The following KRT19 variants were observed in gnomAD, a reference collection of about 807,000 sequenced individuals.
The protein encoded by KRT19 is keratin, type I cytoskeletal 19.
A neutral mutation model predicts 34.6 loss-of-function variants in KRT19; 21 were observed. That is an observed-to-expected ratio of 0.61 (90% CI 0.43 to 0.87). The LOEUF (loss-of-function observed/expected upper bound fraction) is 0.87, where lower values mean the gene tolerates loss of function less well. Ranked by LOEUF, KRT19 falls within the 40% of genes least tolerant of loss-of-function variation. The probability of loss-of-function intolerance (pLI) is 0.00; values close to 1 mark genes in which losing one functional copy is unlikely to be tolerated. For missense variants in KRT19, 514 were observed against 545.7 expected, an observed-to-expected ratio of 0.94 and a Z score of 0.58; for synonymous variants, 240 against 245.8, an observed-to-expected ratio of 0.98 and a Z score of 0.22.
rs769688755 is a variant in KRT19 at position 41,524,890 on chromosome 17, C to G, written c.613G>C (p.Glu205Gln). 5 of 1,614,118 alleles carry G rather than the reference C, an allele frequency of 3.1e-6. No individual in the cohort carries two copies. The Admixed American group carries it at 6.7e-5, about 22-fold the overall frequency. ...LARTDLEMQI[E>Q]GLKEELAYLK... ...TAGGCCAGCTCTTCCTTCAGGCCTT[C>G]GATCTGCATCTCCAGGTCGGTCCTG... The change falls in exon 3 of 6, where the codon GAA (glutamate) becomes CAA (glutamine). Residue 205 changes from glutamate to glutamine, a missense_variant. By Grantham distance (29) the Glu-to-Gln change is conservative. Transcript: ENST00000361566.
At position 41,528,136 on chromosome 17, in the gene KRT19, C is replaced by A. The variant is rs370965852; in HGVS notation, c.112G>T (p.Gly38Trp). The change falls in exon 1 of 6, where the codon GGG becomes TGG. Residue 38 changes from glycine to tryptophan, a missense_variant. Gly to Trp is a radical substitution (Grantham distance 184). Transcript: ENST00000361566. Reference protein sequence around the residue: ...GVAFRAPSIHGGSGGRGVSVS... With the variant: ...GVAFRAPSIHWGSGGRGVSVS... Reference sequence around the variant, plus strand: ...GATACGCCGCGGCCGCCGGAGCCCCCGTGAATGCTGGGCGCGCGAAAGGCG... The same window carrying A: ...GATACGCCGCGGCCGCCGGAGCCCCAGTGAATGCTGGGCGCGCGAAAGGCG... The A allele has an allele frequency of 1.2e-5, 20 of 1,603,850 alleles. No homozygotes were observed. Among genetic ancestry groups the A allele is most frequent in the South Asian group, 8.8e-5 (8 of 90,748 alleles).
rs527654742 is a variant in KRT19 at position 41,527,532 on chromosome 17, A to G, written c.420+296T>C. 2.0e-5 allele frequency among the ~76,000 whole-genome samples: 3 copies of G among 152,222 alleles called. No individual in the cohort carries two copies. In the South Asian group the frequency reaches 6.2e-4, roughly 32 times the overall value. ...TCCTCCCACTCTTCAGGCCTCGCTG[A>G]CCCGCGTCCCTTCTTCGTCCCGGGG... On this transcript the variant is annotated intron_variant, in intron 1 of 5. Coordinates refer to ENST00000361566, the MANE Select transcript of KRT19 (RefSeq NM_002276.5).
At chr17:41,527,410 C>T (rs1304830957) in intron 1 of KRT19, among the ~76,000 whole-genome samples, 1 of 152,206 alleles carries the variant, frequency 6.6e-6, no homozygotes, top group Non-Finnish European at 1.5e-5. Flanking sequence ...AGACTGGCCC[C>T]GGGTGGACCA....
chr17:41,524,114 G>A (rs1454318578), intron 5 of KRT19, 29 bp downstream of exon 5: 1 of 1,607,824 alleles, frequency 6.2e-7, no homozygotes, highest in Admixed American at 1.7e-5. Context: ...AATTGCACAG[G>A]GAAGCGGCGG....
intron 1 of KRT19, among the ~76,000 whole-genome samples, chr17:41,527,232 C>T (rs1283845257): frequency 6.6e-6 from 1 of 152,220 alleles, no homozygotes; most frequent in Non-Finnish European, 1.5e-5. Context: ...AGCCTCCCTC[C>T]TTTACCCCGC....
Position 41,527,825 on chromosome 17 carries a change from C to T in KRT19, c.420+3G>A. ...CACTTCCCGCGGCCGGGCCTCCGCCCACCTTGTCCCGCAGGTCCTGGATGG... is the reference window on the plus strand; with the variant it reads ...CACTTCCCGCGGCCGGGCCTCCGCCTACCTTGTCCCGCAGGTCCTGGATGG... On this transcript the variant is annotated splice_donor_region_variant and intron_variant, in intron 1 of 5. Coordinates refer to ENST00000361566, the MANE Select transcript of KRT19 (RefSeq NM_002276.5). 1 of 1,570,168 alleles carries T rather than the reference C, an allele frequency of 6.4e-7. No homozygotes were observed. Among genetic ancestry groups the T allele is most frequent in the Non-Finnish European group, 8.7e-7 (1 of 1,155,614 alleles).
Position 41,527,812 on chromosome 17 carries a change from C to A in KRT19, c.420+16G>T. ...GGCAGGTGCACTGCACTTCCCGCGG[C>A]CGGGCCTCCGCCCACCTTGTCCCGC... On this transcript the variant is annotated intron_variant, in intron 1 of 5. Transcript: ENST00000361566. The A allele has an allele frequency of 6.4e-7, 1 of 1,556,302 alleles. No homozygotes were observed. The highest frequency in any genetic ancestry group is 8.7e-7 in the Non-Finnish European group (1 of 1,150,112).
In KRT19 at chr17:41,527,836, G is replaced by A. The variant is rs931794128; in HGVS notation, c.412C>T (p.Arg138Trp). The change falls in exon 1 of 6, where the codon CGG becomes TGG. Residue 138 changes from arginine (R) to tryptophan (W), a missense_variant. By Grantham distance (101) the Arg-to-Trp change is moderately radical (BLOSUM62 -3). Coordinates refer to ENST00000361566, the MANE Select transcript of KRT19 (RefSeq NM_002276.5). ...SHYYTTIQDL[R>W]DKILGATIEN... ...GCCGGGCCTCCGCCCACCTTGTCCCGCAGGTCCTGGATGGTCGTGTAGTAG... is the reference window on the plus strand; with the variant it reads ...GCCGGGCCTCCGCCCACCTTGTCCCACAGGTCCTGGATGGTCGTGTAGTAG... The A allele has an allele frequency of 1.3e-6, 2 of 1,584,468 alleles. No homozygotes were observed. The highest frequency in any genetic ancestry group is 1.4e-5 in the African/African-American group (1 of 73,642).
chr17:41,526,562 CTTTTTTTTTTTTT>C (rs60030898), intron 1 of KRT19, among the ~76,000 whole-genome samples: 1 of 72,190 alleles, frequency 1.4e-5, no homozygotes, highest in African/African-American at 5.9e-5. Flanking sequence ...AAGCTAATTC[CTTTTTTTTTTTTT>C]TTTTTTTTTT....
chr17:41,525,592 TG>T (rs780893273), intron 1 of KRT19: 38 of 304,692 alleles, frequency 1.2e-4, no homozygotes, highest in East Asian at 6.6e-4. Context: ...ATAAACCAGA[TG>T]GGGGGTAGAT....
chr17:41,524,072 A>G (rs984349815), intron 5 of KRT19, 71 bp downstream of exon 5: 13 of 1,597,352 alleles, frequency 8.1e-6, no homozygotes, highest in Non-Finnish European at 1.0e-5. Context: ...GCCACCGGCC[A>G]GGCTGCCCTA....
chr17:41,527,892 T>A lies in KRT19; in HGVS notation c.356A>T (p.Gln119Leu), dbSNP rs771587763. Reference protein sequence around the residue: ...EVKIRDWYQKQGPGPSRDYSH... With the variant: ...EVKIRDWYQKLGPGPSRDYSH... ...GTAGTCGCGGGAGGGCCCAGGCCCC[T>A]GCTTCTGGTACCAGTCGCGGATCTT... The change falls in exon 1 of 6, where the codon CAG (glutamine) becomes CTG (leucine). Residue 119 changes from glutamine (Q) to leucine (L), a missense_variant. Coordinates refer to ENST00000361566, the MANE Select transcript of KRT19 (RefSeq NM_002276.5). The A allele has an allele frequency of 1.2e-6, 2 of 1,613,570 alleles. No homozygotes were observed. The highest frequency in any genetic ancestry group is 1.1e-5 in the South Asian group (1 of 91,068).
At chr17:41,525,136 C>T (rs1905815764) in intron 2 of KRT19, 55 bp downstream of exon 2, 3 of 1,569,158 alleles carry the variant, frequency 1.9e-6, no homozygotes, top group Middle Eastern at 1.7e-4. Context: ...ATTCTAAACC[C>T]CCCAACCCCT....
chr17:41,528,184 AGCC>A lies in KRT19; in HGVS notation c.61_63del (p.Gly21del). 1 of 1,591,432 alleles carries A rather than the reference AGCC, an allele frequency of 6.3e-7. No homozygotes were observed. On this transcript the variant is annotated inframe_deletion, in exon 1 of 6. Transcript: ENST00000361566. ...GCGACCCCCGGCCCAAAACGCACGGAGCCGCCGCCCAGGCCTCCGAAGGACGAC... is the reference window on the plus strand; with the variant it reads ...GCGACCCCCGGCCCAAAACGCACGGAGCCGCCCAGGCCTCCGAAGGACGAC...
chr17:41,527,629 C>T (rs1216464421), intron 1 of KRT19, among the ~76,000 whole-genome samples, 199 bp downstream of exon 1: 1 of 152,232 alleles, frequency 6.6e-6, no homozygotes, highest in Non-Finnish European at 1.5e-5. Context: ...CCTCCCCTTT[C>T]CACCACCCCG....
At chr17:41,527,347 C>T (rs908104402) in intron 1 of KRT19, among the ~76,000 whole-genome samples, 10 of 152,236 alleles carry the variant, frequency 6.6e-5, no homozygotes, top group Non-Finnish European at 1.3e-4. Flanking sequence ...TAGACCCTTC[C>T]GGCCAGAGAA....
Position 41,523,830 on chromosome 17 carries a change from C to G in KRT19, c.1116G>C (p.Arg372=). ...EYQRLMDIKS[R]LEQEIATYRS... ...GGTAGGTGGCAATCTCCTGCTCCAG[C>G]CGCGACTTGATGTCCATGAGCCGCT... Residue 372 remains arginine, a synonymous_variant, in exon 6 of 6, where the codon CGG becomes CGC. Transcript: ENST00000361566. 6.2e-7 allele frequency: 1 copy of G among 1,613,974 alleles called. No individual in the cohort carries two copies. The highest frequency in any genetic ancestry group is 8.5e-7 in the Non-Finnish European group (1 of 1,179,992).
intron 3 of KRT19, 117 bp downstream of exon 3, chr17:41,524,726 C>A: frequency 7.6e-7 from 1 of 1,319,168 alleles, no homozygotes; most frequent in Non-Finnish European, 1.1e-6. Flanking sequence ...GATCCCACAC[C>A]CAGGGCCATG....
rs1220534093 is a variant in KRT19, at chr17:41,523,705, C to A, written c.*38G>T. The A allele has an allele frequency of 1.2e-6, 2 of 1,603,800 alleles. No homozygotes were observed. Among genetic ancestry groups the A allele is most frequent in the Non-Finnish European group, 1.7e-6 (2 of 1,172,058 alleles). Reference sequence around the variant, plus strand: ...TTCCCATCCCTCTACCCAGAAGACACCCTCCAAAGGACAGCAGAAGCCCCA... The same window carrying A: ...TTCCCATCCCTCTACCCAGAAGACAACCTCCAAAGGACAGCAGAAGCCCCA... On this transcript the variant is annotated 3_prime_UTR_variant, in exon 6 of 6. Coordinates refer to ENST00000361566, the MANE Select transcript of KRT19 (RefSeq NM_002276.5).
Sources: gnomAD v4.1 joint callset for allele counts (sites outside exome capture counted in the v4.1 genomes callset) on GRCh38, gnomAD v4.1.1 for gene constraint, MANE v1.5 for transcripts, NCBI Gene and HGNC (gene_info 2026-07-23, HGNC 2026-07-21) for gene names.